Variants in NRG1 observed in about 807,000 individuals in gnomAD.
NRG1 encodes neuregulin 1.
Under a neutral mutation model 63.8 loss-of-function variants are expected in NRG1, and 18 were observed. That is an observed-to-expected ratio of 0.28 (90% CI 0.19 to 0.42). NRG1 has a LOEUF of 0.42. Ranked by LOEUF, NRG1 falls within the 10% of genes least tolerant of loss-of-function variation. NRG1 has a pLI of 1.00. For synonymous variants in NRG1, 302 were observed against 301.3 expected (o/e 1.00, Z -0.02); for missense variants, 762 against 814.7 (o/e 0.94, Z 0.79).
chr8:32,019,496 C>T lies in NRG1; in HGVS notation c.37+380065C>T, dbSNP rs545746543. On this transcript the variant is annotated intron_variant, in intron 1 of 10. Transcript: ENST00000519301. ...TTCCACTCTATGGCTTGCCTATTCA[C>T]TTTATTAATAATGTCTTTTGATGTA... 2.0e-5 allele frequency among the ~76,000 whole-genome samples: 3 copies of T among 152,296 alleles called. No homozygotes were observed. The South Asian group carries it at 6.2e-4, about 32-fold the overall frequency.
chr8:31,964,711 C>T (rs996335151), intron 1 of NRG1, among the ~76,000 whole-genome samples: 4 of 152,080 alleles, frequency 2.6e-5, no homozygotes, highest in Non-Finnish European at 5.9e-5. Context: ...TGGGAAAAAT[C>T]GCAGTTGCTT....
At chr8:31,877,976 G>A (rs1355421624) in intron 1 of NRG1, among the ~76,000 whole-genome samples, 2 of 152,160 alleles carry the variant, frequency 1.3e-5, no homozygotes, top group Admixed American at 1.3e-4. Flanking sequence ...TATGCTGTAA[G>A]TTTTCCCAGA....
intron 1 of NRG1, among the ~76,000 whole-genome samples, chr8:31,688,987 A>C (rs1160457244): frequency 6.6e-6 from 1 of 152,120 alleles, no homozygotes; most frequent in Non-Finnish European, 1.5e-5. Flanking sequence ...CAGATTCTAG[A>C]GGCTGCCTTC....
At chr8:32,322,305 G>C (rs1269936439) in intron 1 of NRG1, among the ~76,000 whole-genome samples, 1 of 150,860 alleles carries the variant, frequency 6.6e-6, no homozygotes, top group Non-Finnish European at 1.5e-5. Context: ...AATGGTTGTA[G>C]TTTCATTTGC....
intron 1 of NRG1, among the ~76,000 whole-genome samples, chr8:32,280,691 G>GTTTTTTTT (rs1174950316): frequency 1.9e-3 from 112 of 57,612 alleles, no homozygotes; most frequent in East Asian, 9.4e-3. Flanking sequence ...TTTTTTTTTT[G>GTTTTTTTT]TTTTTTTTTT....
chr8:32,590,596 A>T (rs1563720761), intron 1 of NRG1, among the ~76,000 whole-genome samples: 2 of 152,210 alleles, frequency 1.3e-5, no homozygotes, highest in Non-Finnish European at 2.9e-5. Context: ...TAAGTTTAGG[A>T]ACTACCATTG....
chr8:32,058,165 G>A (rs1175932446), intron 1 of NRG1, among the ~76,000 whole-genome samples: 5 of 151,918 alleles, frequency 3.3e-5, no homozygotes, highest in African/African-American at 1.2e-4. Context: ...CACAGTGAAG[G>A]ACCATACTTA....
intron 1 of NRG1, among the ~76,000 whole-genome samples, chr8:32,043,400 G>GACAAA (rs1424189372): frequency 1.3e-5 from 2 of 151,554 alleles, no homozygotes; most frequent in Admixed American, 6.6e-5. Flanking sequence ...AACAAAATAA[G>GACAAA]ACAAAACAAA....
At chr8:31,940,784 A>G (rs754359110) in intron 1 of NRG1, among the ~76,000 whole-genome samples, 3 of 152,116 alleles carry the variant, frequency 2.0e-5, no homozygotes, top group Non-Finnish European at 4.4e-5. Flanking sequence ...TACACACATA[A>G]ACTAGAAAAC....
chr8:32,408,332 G>A (rs1236964528), intron 1 of NRG1, among the ~76,000 whole-genome samples: 2 of 152,180 alleles, frequency 1.3e-5, no homozygotes, highest in Non-Finnish European at 2.9e-5. Context: ...TGGTCAGGGA[G>A]GGTGGGCCAG....
chr8:31,746,673 AAT>A (rs1351535462), intron 1 of NRG1, among the ~76,000 whole-genome samples: 1 of 152,004 alleles, frequency 6.6e-6, no homozygotes, highest in African/African-American at 2.4e-5. Flanking sequence ...CCCAAAAGAA[AAT>A]AAATCAGTAT....
chr8:32,237,818 G>T (rs1180172717), intron 1 of NRG1, among the ~76,000 whole-genome samples: 2 of 152,018 alleles, frequency 1.3e-5, no homozygotes, highest in Non-Finnish European at 2.9e-5. Flanking sequence ...GGACTGTTCA[G>T]CTTGGCTGTG....
Position 31,652,987 on chromosome 8 carries a change from CT to C in NRG1, c.37+13557del, listed in dbSNP as rs1226889342. 1.7e-3 allele frequency among the ~76,000 whole-genome samples: 136 copies of C among 82,334 alleles called. 6 individuals carry two copies. Among genetic ancestry groups the C allele is most frequent in the Middle Eastern group, 6.0e-3 (1 of 166 alleles). The allele number at this position is 82,334 out of a possible 152,430, so 54.0% of individuals were successfully genotyped here. A position where few individuals can be genotyped will look rare whatever the true frequency, so the allele number is the denominator to read the frequency against. On this transcript the variant is annotated intron_variant, in intron 1 of 10. Coordinates refer to the NRG1 transcript ENST00000519301. ...CTCCTCTCCTCTCCTCTCCTCTCCT[CT>C]CCTCTCCTCTCCTCTCCTCCCCTCC...
intron 2 of NRG1, among the ~76,000 whole-genome samples, chr8:32,604,804 G>A (rs1236975222): frequency 6.6e-6 from 1 of 151,882 alleles, no homozygotes; most frequent in African/African-American, 2.4e-5. Context: ...CTTATATCTT[G>A]GAGACTGCTT....
At chr8:31,879,439 GTT>G (rs1321342636) in intron 1 of NRG1, among the ~76,000 whole-genome samples, 1 of 152,150 alleles carries the variant, frequency 6.6e-6, no homozygotes, top group Non-Finnish European at 1.5e-5. Flanking sequence ...GCAGGGATGG[GTT>G]ATCCACATTT....
At chr8:32,627,464 T>C (rs759443237) in intron 5 of NRG1, among the ~76,000 whole-genome samples, 1 of 152,110 alleles carries the variant, frequency 6.6e-6, no homozygotes, top group African/African-American at 2.4e-5. Flanking sequence ...TGTGTGTATA[T>C]GAAAAGGTTG....
At chr8:32,267,869 C>A (rs142237653) in intron 1 of NRG1, among the ~76,000 whole-genome samples, 1 of 152,150 alleles carries the variant, frequency 6.6e-6, no homozygotes, top group African/African-American at 2.4e-5. Context: ...AGTTTAAGAT[C>A]AGCGTTTACT....
intron 1 of NRG1, among the ~76,000 whole-genome samples, chr8:31,738,826 T>A (rs934656904): frequency 6.6e-6 from 1 of 152,140 alleles, no homozygotes; most frequent in Non-Finnish European, 1.5e-5. Flanking sequence ...TCTGTCTCTC[T>A]CTGTGTACAC....
intron 1 of NRG1, among the ~76,000 whole-genome samples, chr8:31,763,294 C>T (rs1563372674): frequency 6.6e-6 from 1 of 152,194 alleles, no homozygotes. Context: ...GCATATATGA[C>T]ATTTTGTAAA....
Sources: gnomAD v4.1 joint callset for allele counts (sites outside exome capture counted in the v4.1 genomes callset) on GRCh38, gnomAD v4.1.1 for gene constraint, MANE v1.5 for transcripts, NCBI Gene and HGNC (gene_info 2026-07-23, HGNC 2026-07-21) for gene names.